Variants in POLN observed in about 807,000 individuals in gnomAD.
POLN encodes the protein DNA polymerase N.
POLN carries 108 observed loss-of-function variants against 113.5 expected under a neutral mutation model. The observed-to-expected ratio is 0.95, with a 90% CI of 0.81 to 1.12. POLN has a LOEUF of 1.12. Among genes scored for constraint, POLN ranks in the 50% most tolerant of loss-of-function variants. POLN has a pLI of 0.00. For synonymous variants in POLN, 386 were observed against 391.5 expected (o/e 0.99, Z 0.17); for missense variants, 1,097 against 1,077.1 (o/e 1.02, Z -0.26).
chr4:2,138,731 G>T (rs1282236688), intron 16 of POLN, among the ~76,000 whole-genome samples: 1 of 152,038 alleles, frequency 6.6e-6, no homozygotes, highest in Non-Finnish European at 1.5e-5. Context: ...ATGAAAGCTG[G>T]TCTCTAGTAA....
intron 3 of POLN, among the ~76,000 whole-genome samples, chr4:2,217,072 G>A (rs1168108439): frequency 2.0e-5 from 3 of 152,194 alleles, no homozygotes; most frequent in Admixed American, 6.5e-5. Flanking sequence ...CTTCGTGACT[G>A]TTCCCACAGA....
At chr4:2,099,992 C>T (rs1304546620) in intron 19 of POLN, among the ~76,000 whole-genome samples, 1 of 151,550 alleles carries the variant, frequency 6.6e-6, no homozygotes, top group Non-Finnish European at 1.5e-5. Flanking sequence ...ATCACTGGAG[C>T]CCGGGAGGCT....
At chr4:2,143,278 A>T (rs1732049527) in intron 16 of POLN, among the ~76,000 whole-genome samples, 2 of 152,176 alleles carry the variant, frequency 1.3e-5, no homozygotes, top group Non-Finnish European at 2.9e-5. Context: ...CAATGAAAAG[A>T]TCAATAAAAT....
At chr4:2,176,083 T>C (rs1202177144) in intron 9 of POLN, among the ~76,000 whole-genome samples, 183 bp downstream of exon 9, 1 of 152,232 alleles carries the variant, frequency 6.6e-6, no homozygotes, top group African/African-American at 2.4e-5. Flanking sequence ...ACAGAAAGCA[T>C]TTTTAAAACT....
chr4:2,198,812 C>T (rs1733643837), intron 5 of POLN, 95 bp from the exon 6 acceptor site: 3 of 1,193,378 alleles, frequency 2.5e-6, no homozygotes. Context: ...AGAGAAAAGG[C>T]CTAAAATTAA....
At chr4:2,111,337 G>A (rs1731189397) in intron 19 of POLN, among the ~76,000 whole-genome samples, 1 of 151,552 alleles carries the variant, frequency 6.6e-6, no homozygotes, top group Non-Finnish European at 1.5e-5. Flanking sequence ...CACAAGACAG[G>A]GATGCCCTCT....
At chr4:2,076,719 G>C (rs555711187) in intron 23 of POLN, 1 of 152,456 alleles carries the variant, frequency 6.6e-6, no homozygotes, top group South Asian at 2.1e-4. Flanking sequence ...CCGGGCAGTA[G>C]TCACGGGCAT....
At chr4:2,150,486 A>C (rs575644) in intron 16 of POLN, among the ~76,000 whole-genome samples, 8 of 152,000 alleles carry the variant, frequency 5.3e-5, no homozygotes, top group Non-Finnish European at 1.2e-4. Flanking sequence ...TGCTGATTAT[A>C]AAGTTCATAT....
intron 19 of POLN, among the ~76,000 whole-genome samples, chr4:2,122,090 G>A (rs1227458976): frequency 2.6e-5 from 4 of 152,046 alleles, no homozygotes; most frequent in African/African-American, 7.3e-5. Context: ...TAACATGCTC[G>A]TGATCTAATC....
chr4:2,187,536 G>T (rs140050905), intron 7 of POLN, among the ~76,000 whole-genome samples: 1 of 152,144 alleles, frequency 6.6e-6, no homozygotes, highest in Non-Finnish European at 1.5e-5. Flanking sequence ...GAGCCACTGC[G>T]CCTGGCCCAA....
chr4:2,115,778 T>C (rs921159470), intron 19 of POLN, among the ~76,000 whole-genome samples: 3 of 152,246 alleles, frequency 2.0e-5, no homozygotes, highest in Non-Finnish European at 4.4e-5. Flanking sequence ...GGGCTGGGTC[T>C]GGACTTCATT....
chr4:2,195,223 G>A (rs202002047), intron 6 of POLN, among the ~76,000 whole-genome samples: 1 of 152,126 alleles, frequency 6.6e-6, no homozygotes, highest in East Asian at 1.9e-4. Flanking sequence ...GGTACTTGAG[G>A]CAATGTATTA....
At chr4:2,109,659 C>G (rs562346483) in intron 19 of POLN, among the ~76,000 whole-genome samples, 139 of 152,104 alleles carry the variant, frequency 9.1e-4, no homozygotes, top group African/African-American at 3.3e-3. Flanking sequence ...AACATTTTTT[C>G]TTTTGCAGTT....
At chr4:2,235,113 T>C (rs530721646) in intron 2 of POLN, among the ~76,000 whole-genome samples, 2 of 152,368 alleles carry the variant, frequency 1.3e-5, no homozygotes, top group South Asian at 4.1e-4. Context: ...CTTGAACTCC[T>C]GACCTTGTGA....
chr4:2,137,137 G>A (rs1731877571), intron 16 of POLN, among the ~76,000 whole-genome samples: 1 of 152,248 alleles, frequency 6.6e-6, no homozygotes, highest in South Asian at 2.1e-4. Context: ...GTGGCTGAAT[G>A]AGTAAGACGA....
chr4:2,097,922 G>C (rs1385934697), intron 19 of POLN, among the ~76,000 whole-genome samples: 2 of 152,162 alleles, frequency 1.3e-5, no homozygotes, highest in Admixed American at 6.6e-5. Context: ...TGTTTCTTTG[G>C]GGGACAGGCC....
intron 21 of POLN, among the ~76,000 whole-genome samples, chr4:2,083,290 C>T (rs2108690994): frequency 6.6e-6 from 1 of 152,346 alleles, no homozygotes; most frequent in South Asian, 2.1e-4. Context: ...CACGTCTCCT[C>T]CACTCATCCA....
chr4:2,171,849 C>T (rs1356319294), intron 11 of POLN, among the ~76,000 whole-genome samples: 2 of 151,874 alleles, frequency 1.3e-5, no homozygotes, highest in African/African-American at 4.8e-5. Flanking sequence ...GCATCCTCCC[C>T]CAAAGGTAAG....
intron 11 of POLN, 43 bp from the exon 12 acceptor site, chr4:2,171,224 A>G: frequency 6.5e-7 from 1 of 1,544,562 alleles, no homozygotes; most frequent in Non-Finnish European, 8.9e-7. Context: ...CATAGTTTTC[A>G]CAATTTAAGA....
Sources: gnomAD v4.1 joint callset for allele counts (sites outside exome capture counted in the v4.1 genomes callset) on GRCh38, gnomAD v4.1.1 for gene constraint, MANE v1.5 for transcripts, NCBI Gene and HGNC (gene_info 2026-07-23, HGNC 2026-07-21) for gene names.